The following MEA1 variants were observed in gnomAD, a reference collection of about 807,000 sequenced individuals.
The protein encoded by MEA1 is male-enhanced antigen 1.
Under a neutral mutation model 21.4 loss-of-function variants are expected in MEA1, and 22 were observed. The observed-to-expected ratio is 1.03, with a 90% CI of 0.73 to 1.47. The LOEUF (loss-of-function observed/expected upper bound fraction) is 1.47, where lower values mean the gene tolerates loss of function less well. Ranked by LOEUF, MEA1 falls within the 40% of genes most tolerant of loss-of-function variation. The pLI, the probability that MEA1 is intolerant of heterozygous loss-of-function variation, is 0.00. For synonymous variants in MEA1, 91 were observed against 85.5 expected (o/e 1.06, Z -0.35); for missense variants, 233 against 230.5 (o/e 1.01, Z -0.07).
In MEA1 at chr6:43,012,051, A is replaced by C; in HGVS notation, c.*419T>G. ...TGCTTTTCTGTGCTGTTGGTTCCCA[A>C]AACTAGAAAGAAGGAAGCAGGGAGC... is the stretch of plus-strand genomic sequence containing the variant. On this transcript the variant is annotated 3_prime_UTR_variant, in exon 4 of 4. Coordinates refer to ENST00000244711, the MANE Select transcript of MEA1 (RefSeq NM_014623.4). 1 of 338,228 alleles carries C rather than the reference A, an allele frequency of 3.0e-6. No homozygotes were observed. Among genetic ancestry groups the C allele is most frequent in the South Asian group, 1.2e-4 (1 of 8,402 alleles). The allele number at this position is 338,228 out of a possible 1,614,324, so 21.0% of individuals were successfully genotyped here.
rs1030341016 is a variant in MEA1, at chr6:43,011,621, ATTC to A, written c.*846_*848del. 1 of 321,776 alleles carries A rather than the reference ATTC, an allele frequency of 3.1e-6. No individual in the cohort carries two copies. The highest frequency in any genetic ancestry group is 5.8e-6 in the Non-Finnish European group (1 of 171,676). The allele number at this position is 321,776 out of a possible 1,614,324, so 19.9% of individuals were successfully genotyped here. Reference sequence around the variant, plus strand: ...CACACAGGAATACATACGCTCCTCTATTCTTCCCTTCATCCTCATTTGAACGCC... The same window carrying A: ...CACACAGGAATACATACGCTCCTCTATTCCCTTCATCCTCATTTGAACGCC... On this transcript the variant is annotated 3_prime_UTR_variant, in exon 4 of 4. Transcript: ENST00000244711.
chr6:43,013,281 G>T lies in MEA1; in HGVS notation c.137C>A (p.Thr46Asn), dbSNP rs139044997. 1.1e-5 allele frequency: 17 copies of T among 1,614,142 alleles called. No individual in the cohort carries two copies. The highest frequency in any genetic ancestry group is 1.4e-5 in the Non-Finnish European group (17 of 1,180,024). The part of the protein sequence containing the change: ...ELGHQGPSEG[T>N]GDWSSEEPEE... ...AGGCTCCTCACTGCTCCAATCCCCAGTGCCTTCTGAAGGGCCCTGATGTCC... is the reference window on the plus strand; with the variant it reads ...AGGCTCCTCACTGCTCCAATCCCCATTGCCTTCTGAAGGGCCCTGATGTCC... Residue 46 changes from threonine to asparagine, a missense_variant, in exon 2 of 4, where the codon ACT becomes AAT. Physicochemically the swap from Thr to Asn is moderately conservative, Grantham distance 65. Coordinates refer to ENST00000244711, the MANE Select transcript of MEA1 (RefSeq NM_014623.4).
At position 43,011,290 on chromosome 6, in the gene MEA1, C is replaced by T; in HGVS notation, c.*1180G>A. 1 of 1,613,716 alleles carries T rather than the reference C, an allele frequency of 6.2e-7. No individual in the cohort carries two copies. The stretch of plus-strand genomic sequence containing the variant: ...TGCCAGCCAGGAGGCTCTCTGACCC[C>T]TCACGTTCCTACCACAGGGCCACAG... On this transcript the variant is annotated 3_prime_UTR_variant, in exon 4 of 4. Transcript: ENST00000244711.
At chr6:43,016,855 T>G, upstream of MEA1, 3 of 305,422 alleles carry the variant, frequency 9.8e-6, no homozygotes, top group Non-Finnish European at 1.9e-5. Flanking sequence ...CCTCCACGAG[T>G]AGGTTGTGAC....
intron 1 of MEA1, 148 bp from the exon 2 acceptor site, chr6:43,013,537 G>T: frequency 1.1e-6 from 1 of 933,374 alleles, no homozygotes; most frequent in Non-Finnish European, 1.6e-6. Context: ...CCCAATTCCA[G>T]CCTCTCGTTC....
At chr6:43,013,956 C>T, upstream of MEA1, 1 of 1,442,956 alleles carries the variant, frequency 6.9e-7, no homozygotes, top group Non-Finnish European at 9.1e-7. Context: ...GGTGCCTAGT[C>T]CTCCAGCCCC....
chr6:43,013,694 C>A (rs1156679464), intron 1 of MEA1, 92 bp downstream of exon 1: 11 of 1,356,930 alleles, frequency 8.1e-6, no homozygotes, highest in Non-Finnish European at 1.0e-5. Context: ...CACGCCTCCC[C>A]CGCGACTTGG....
upstream of MEA1, chr6:43,016,522 G>C (rs547175518): frequency 1.3e-5 from 2 of 152,536 alleles, no homozygotes; most frequent in African/African-American, 2.4e-5. Flanking sequence ...AACTCAGCTT[G>C]ACAGGAGCTC....
At chr6:43,013,514 T>G (rs1392132541) in intron 1 of MEA1, 125 bp from the exon 2 acceptor site, 3 of 1,065,272 alleles carry the variant, frequency 2.8e-6, no homozygotes, top group Non-Finnish European at 4.0e-6. Flanking sequence ...TCCTGCATCC[T>G]CCACCCCTCC....
At chr6:43,014,268 A>G, upstream of MEA1, 2 of 886,010 alleles carry the variant, frequency 2.3e-6, no homozygotes, top group Non-Finnish European at 3.3e-6. Context: ...GTTGGGGACT[A>G]AGGCGTCGGT....
In MEA1 at chr6:43,011,659, CCCT is replaced by C. The variant is rs1762355170; in HGVS notation, c.*808_*810del. ...TCCTCATTTGAACGCCAGGTATCTCCCCTCCTCTCTCTCCCCTGCAGAGGCATG... is the reference window on the plus strand; with the variant it reads ...TCCTCATTTGAACGCCAGGTATCTCCCCTCTCTCTCCCCTGCAGAGGCATG... On this transcript the variant is annotated 3_prime_UTR_variant, in exon 4 of 4. Transcript: ENST00000244711. 8.1e-6 allele frequency: 2 copies of C among 246,964 alleles called. No individual in the cohort carries two copies. Among genetic ancestry groups the C allele is most frequent in the African/African-American group, 4.5e-5 (2 of 44,432 alleles). The allele number at this position is 246,964 out of a possible 1,614,324, so 15.3% of individuals were successfully genotyped here.
Position 43,013,937 on chromosome 6 carries a change from A to G in MEA1, c.-124T>C. 4.1e-6 allele frequency: 6 copies of G among 1,463,698 alleles called. No individual in the cohort carries two copies. Among genetic ancestry groups the G allele is most frequent in the Non-Finnish European group, 5.4e-6 (6 of 1,106,724 alleles). The allele number at this position is 1,463,698 out of a possible 1,614,324, so 90.7% of individuals were successfully genotyped here. ...CGGCCTCCACTTCCGGCGGGGCAGGACGTGCAGAGGTGCCTAGTCCTCCAG... is the reference window on the plus strand; with the variant it reads ...CGGCCTCCACTTCCGGCGGGGCAGGGCGTGCAGAGGTGCCTAGTCCTCCAG... On this transcript the variant is annotated 5_prime_UTR_variant, in exon 1 of 4. Transcript: ENST00000244711.
chr6:43,014,000 A>G, upstream of MEA1: 5 of 1,422,622 alleles, frequency 3.5e-6, no homozygotes, highest in Non-Finnish European at 4.6e-6. Context: ...GGCGAGGACG[A>G]GGAGTCCGCC....
upstream of MEA1, among the ~76,000 whole-genome samples, chr6:43,016,124 C>T (rs1363584946): frequency 3.3e-5 from 5 of 152,036 alleles, no homozygotes; most frequent in South Asian, 2.1e-4. Flanking sequence ...TTAGTAGAGA[C>T]GGGTTTCACC....
chr6:43,014,740 T>A, upstream of MEA1: 1 of 389,290 alleles, frequency 2.6e-6, no homozygotes. Context: ...TTTCTTTCCT[T>A]AGTGGAGGTG....
In MEA1 at chr6:43,013,129, G is replaced by A. The variant is rs1045936701; in HGVS notation, c.289C>T (p.Gln97Ter). 1.9e-6 allele frequency: 3 copies of A among 1,613,850 alleles called. No individual in the cohort carries two copies. Among genetic ancestry groups the A allele is most frequent in the African/African-American group, 1.3e-5 (1 of 74,890 alleles). Residue 97 changes from glutamine (Q) to a stop codon, truncating the protein, a stop_gained, in exon 2 of 4, where the codon CAG becomes TAG. Coordinates refer to ENST00000244711, the MANE Select transcript of MEA1 (RefSeq NM_014623.4). LOFTEE classifies it high-confidence loss of function. ...VGDGDVVADI[Q>*]DRIQALGLHL... ...CTCCACCCTACCTGGATTCGATCCT[G>A]GATGTCAGCAACTACATCTCCATCC...
chr6:43,013,473 T>C (rs1007858729), intron 1 of MEA1, 84 bp from the exon 2 acceptor site: 26 of 1,480,874 alleles, frequency 1.8e-5, no homozygotes, highest in South Asian at 2.6e-5. Context: ...TGTAGTCTCC[T>C]GCGTGCAAAA....
In MEA1 at chr6:43,013,110, C is replaced by G; in HGVS notation, c.303+5G>C. ...TGTTCAGGAACCATCCCTCCTCCACCCTACCTGGATTCGATCCTGGATGTC... is the reference window on the plus strand; with the variant it reads ...TGTTCAGGAACCATCCCTCCTCCACGCTACCTGGATTCGATCCTGGATGTC... On this transcript the variant is annotated splice_donor_5th_base_variant and intron_variant, in intron 2 of 3. Coordinates refer to ENST00000244711, the MANE Select transcript of MEA1 (RefSeq NM_014623.4). 2.5e-6 allele frequency: 4 copies of G among 1,614,104 alleles called. No individual in the cohort carries two copies. The highest frequency in any genetic ancestry group is 3.4e-6 in the Non-Finnish European group (4 of 1,180,038).
chr6:43,013,471 C>T (rs1427464732), intron 1 of MEA1, 82 bp from the exon 2 acceptor site: 10 of 1,485,344 alleles, frequency 6.7e-6, no homozygotes, highest in Non-Finnish European at 9.0e-6. Context: ...CTTGTAGTCT[C>T]CTGCGTGCAA....
Sources: allele counts gnomAD v4.1 joint callset (sites outside exome capture counted in the v4.1 genomes callset), GRCh38; gene constraint gnomAD v4.1.1; transcripts MANE v1.5; gene names NCBI Gene and HGNC (gene_info 2026-07-23, HGNC 2026-07-21).